Variants in ADGRL2 observed in about 807,000 individuals in gnomAD.
ADGRL2 encodes calcium-independent alpha-latrotoxin receptor 2.
ADGRL2 carries 44 observed loss-of-function variants against 157.4 expected under a neutral mutation model. The observed-to-expected ratio is 0.28, with a 90% CI of 0.22 to 0.36. ADGRL2 has a LOEUF of 0.36. Among genes scored for constraint, ADGRL2 ranks in the 10% least tolerant of loss-of-function variants. The pLI, the probability that ADGRL2 is intolerant of heterozygous loss-of-function variation, is 1.00. For missense variants in ADGRL2, 1,510 were observed against 1,768.9 expected, an observed-to-expected ratio of 0.85 and a Z score of 2.63; for synonymous variants, 585 against 624.7, an observed-to-expected ratio of 0.94 and a Z score of 0.95.
intron 3 of ADGRL2, among the ~76,000 whole-genome samples, chr1:81,582,658 G>A (rs2080939783): frequency 6.6e-6 from 1 of 151,922 alleles, no homozygotes; most frequent in African/African-American, 2.4e-5. Context: ...CAATTTTAAA[G>A]GTTACAGAAT....
At chr1:81,606,761 T>C (rs965434445) in intron 3 of ADGRL2, among the ~76,000 whole-genome samples, 2 of 151,392 alleles carry the variant, frequency 1.3e-5, no homozygotes, top group African/African-American at 4.9e-5. Context: ...TGTGTGTGTG[T>C]GTGTGTGTGT....
At chr1:81,505,541 A>T (rs2078954596) in intron 2 of ADGRL2, among the ~76,000 whole-genome samples, 1 of 150,576 alleles carries the variant, frequency 6.6e-6, no homozygotes, top group Non-Finnish European at 1.5e-5. Context: ...GCAGGGTGTC[A>T]CCCAGAGCCG....
intron 1 of ADGRL2, among the ~76,000 whole-genome samples, chr1:81,364,054 T>C (rs1050177982): frequency 6.6e-6 from 1 of 152,202 alleles, no homozygotes; most frequent in African/African-American, 2.4e-5. Context: ...ATTTTTACAT[T>C]CTGTAATAGT....
At chr1:81,895,966 A>G (rs2094379374) in intron 2 of ADGRL2, among the ~76,000 whole-genome samples, 1 of 152,150 alleles carries the variant, frequency 6.6e-6, no homozygotes. Context: ...CAAATAGCTC[A>G]TTTCTGCATT....
At chr1:81,770,766 G>A (rs761924734) in intron 2 of ADGRL2, among the ~76,000 whole-genome samples, 13 of 152,138 alleles carry the variant, frequency 8.5e-5, no homozygotes, top group Non-Finnish European at 1.5e-4. Flanking sequence ...GAGCCACAGC[G>A]CCCGGCCAAT....
chr1:81,547,579 C>T (rs748119179), intron 2 of ADGRL2, among the ~76,000 whole-genome samples: 1 of 152,082 alleles, frequency 6.6e-6, no homozygotes, highest in Admixed American at 6.6e-5. Flanking sequence ...TTAAGACTCT[C>T]GAGTATTATT....
intron 3 of ADGRL2, among the ~76,000 whole-genome samples, chr1:81,628,886 A>G (rs1190959276): frequency 6.6e-6 from 1 of 152,246 alleles, no homozygotes; most frequent in African/African-American, 2.4e-5. Context: ...CTTCTCTAAG[A>G]AATGACAAGA....
intron 3 of ADGRL2, among the ~76,000 whole-genome samples, chr1:81,636,657 A>C (rs2148781785): frequency 6.6e-6 from 1 of 152,254 alleles, no homozygotes; most frequent in Middle Eastern, 3.4e-3. Flanking sequence ...GCTCGCCAGA[A>C]CCATTAATTT....
At chr1:81,906,937 T>TC in intron 2 of ADGRL2, 80 bp from the exon 3 acceptor site, 1 of 1,124,662 alleles carries the variant, frequency 8.9e-7, no homozygotes, top group Non-Finnish European at 1.3e-6. Context: ...ACATGAATCA[T>TC]ATTACTTGAA....
chr1:81,397,826 G>C (rs1011827662), intron 1 of ADGRL2, among the ~76,000 whole-genome samples: 1 of 152,122 alleles, frequency 6.6e-6, no homozygotes, highest in African/African-American at 2.4e-5. Context: ...CTGGTATTAG[G>C]TACATTTGGT....
chr1:81,327,794 A>G (rs569751660), intron 1 of ADGRL2, among the ~76,000 whole-genome samples: 1 of 152,268 alleles, frequency 6.6e-6, no homozygotes, highest in Admixed American at 6.5e-5. Flanking sequence ...GCCCTCTTTT[A>G]AACTTTGGAA....
At chr1:81,362,712 C>T (rs374277731) in intron 1 of ADGRL2, among the ~76,000 whole-genome samples, 41 of 152,006 alleles carry the variant, frequency 2.7e-4, no homozygotes, top group African/African-American at 9.6e-4. Flanking sequence ...CATCCTTTGA[C>T]CACTAAAATG....
chr1:81,629,527 G>A lies in ADGRL2; in HGVS notation c.-143+48547G>A, dbSNP rs529664078. 3.3e-5 allele frequency among the ~76,000 whole-genome samples: 5 copies of A among 152,166 alleles called. No individual in the cohort carries two copies. In the South Asian group the frequency reaches 6.2e-4, roughly 19 times the overall value. On this transcript the variant is annotated intron_variant, in intron 3 of 24. Transcript: ENST00000370721. ...GATTAGAATAAAATAGAATGTATCA[G>A]CATGCATAACACATGGTAAAGTTTT...
chr1:81,652,650 T>G (rs2082444871), intron 3 of ADGRL2, among the ~76,000 whole-genome samples: 1 of 152,192 alleles, frequency 6.6e-6, no homozygotes, highest in Admixed American at 6.5e-5. Flanking sequence ...TTTCTTTTCT[T>G]TTTAAAAATG....
chr1:81,615,735 G>T (rs928491619), intron 3 of ADGRL2, among the ~76,000 whole-genome samples: 1 of 152,178 alleles, frequency 6.6e-6, no homozygotes, highest in African/African-American at 2.4e-5. Context: ...GATAGACACT[G>T]CTCTGGAGAC....
intron 2 of ADGRL2, among the ~76,000 whole-genome samples, chr1:81,906,728 G>A (rs1334535507): frequency 1.3e-5 from 2 of 151,928 alleles, no homozygotes; most frequent in Non-Finnish European, 2.9e-5. Context: ...TAAAATCCAT[G>A]ATTAAATTTG....
At chr1:81,515,057 T>C (rs1012353703) in intron 2 of ADGRL2, 4 of 152,212 alleles carry the variant, frequency 2.6e-5, no homozygotes, top group African/African-American at 9.6e-5. Context: ...CTATATCTAA[T>C]TTCTTCTTCC....
intron 1 of ADGRL2, among the ~76,000 whole-genome samples, chr1:81,819,637 G>T (rs1435032507): frequency 6.6e-6 from 1 of 152,026 alleles, no homozygotes. Context: ...CAGGCTACAT[G>T]ATCTAGGTTT....
At chr1:81,601,428 T>C (rs1293272394) in intron 3 of ADGRL2, among the ~76,000 whole-genome samples, 1 of 152,176 alleles carries the variant, frequency 6.6e-6, no homozygotes, top group Non-Finnish European at 1.5e-5. Context: ...ACTGATCTTA[T>C]CAATTTGGTG....
Sources: gnomAD v4.1 joint callset for allele counts (sites outside exome capture counted in the v4.1 genomes callset) on GRCh38, gnomAD v4.1.1 for gene constraint, MANE v1.5 for transcripts, NCBI Gene and HGNC (gene_info 2026-07-23, HGNC 2026-07-21) for gene names.